Variants in DHX29 observed in about 807,000 individuals in gnomAD.
DHX29 encodes DExH-box helicase 29.
A neutral mutation model predicts 167.9 loss-of-function variants in DHX29; 79 were observed. The observed-to-expected ratio is 0.47, with a 90% CI of 0.39 to 0.57. The LOEUF is 0.57. Among genes scored for constraint, DHX29 ranks in the 20% least tolerant of loss-of-function variants. The pLI is 0.00. For synonymous variants in DHX29, 530 were observed against 546.0 expected, an observed-to-expected ratio of 0.97 and a Z score of 0.41; for missense variants, 1,347 against 1,593.4, an observed-to-expected ratio of 0.85 and a Z score of 2.63.
intron 4 of DHX29, among the ~76,000 whole-genome samples, chr5:55,295,907 A>G (rs535440245): frequency 6.6e-6 from 1 of 152,358 alleles, no homozygotes; most frequent in South Asian, 2.1e-4. Flanking sequence ...CCTCTGCTTA[A>G]TAAAATACTA....
At chr5:55,284,406 A>C (rs777026945) in intron 10 of DHX29, among the ~76,000 whole-genome samples, 1 of 152,216 alleles carries the variant, frequency 6.6e-6, no homozygotes. Flanking sequence ...TCTGTGCTAT[A>C]AAGAATCCAC....
chr5:55,287,183 G>A (rs1747777006), intron 8 of DHX29, among the ~76,000 whole-genome samples: 3 of 152,132 alleles, frequency 2.0e-5, no homozygotes, highest in Non-Finnish European at 4.4e-5. Context: ...GGGTCACACC[G>A]GTAATCCCAA....
intron 12 of DHX29, among the ~76,000 whole-genome samples, chr5:55,279,176 T>C (rs758490490): frequency 1.9e-4 from 29 of 152,270 alleles, no homozygotes; most frequent in Non-Finnish European, 2.1e-4. Context: ...GAAAAGTAAA[T>C]GTACTTGAGA....
intron 1 of DHX29, among the ~76,000 whole-genome samples, chr5:55,300,902 G>C (rs1479696617): frequency 6.6e-6 from 1 of 152,080 alleles, no homozygotes; most frequent in Non-Finnish European, 1.5e-5. Flanking sequence ...TCTGGAGGTT[G>C]GGAAGTCCAA....
At chr5:55,289,800 T>C (rs141940144) in intron 7 of DHX29, among the ~76,000 whole-genome samples, 22 of 152,348 alleles carry the variant, frequency 1.4e-4, no homozygotes, top group African/African-American at 5.1e-4. Flanking sequence ...ATAAAAATCA[T>C]AGGTTGGCAA....
Position 55,281,412 on chromosome 5 carries a change from T to C in DHX29, c.2069A>G (p.Asp690Gly), listed in dbSNP as rs774777391. 3.7e-6 allele frequency: 6 copies of C among 1,602,342 alleles called. No individual in the cohort carries two copies. Among genetic ancestry groups the C allele is most frequent in the Non-Finnish European group, 4.3e-6 (5 of 1,174,210 alleles). Residue 690 changes from aspartate (D) to glycine (G), a missense_variant, in exon 12 of 27, where the codon GAT becomes GGT. Coordinates refer to ENST00000251636, the MANE Select transcript of DHX29 (RefSeq NM_019030.4). ...TGVLLRKLQE[D>G]GLLSNVSHVI... ...ATGAGACACATTACTTAGAAGACCA[T>C]CTTCTTGAAGTTTCCTTAGCAAAAC...
intron 2 of DHX29, 46 bp from the exon 3 acceptor site, chr5:55,297,444 A>C (rs1748382756): frequency 1.2e-6 from 1 of 821,608 alleles, no homozygotes; most frequent in Non-Finnish European, 2.0e-6. Flanking sequence ...TAAATTATTA[A>C]AAAATTAAAA....
intron 23 of DHX29, among the ~76,000 whole-genome samples, chr5:55,263,929 C>A (rs1746431550): frequency 6.6e-6 from 1 of 150,716 alleles, no homozygotes; most frequent in South Asian, 2.1e-4. Flanking sequence ...GGAAAAAAAC[C>A]TTTTTACTTT....
intron 1 of DHX29, among the ~76,000 whole-genome samples, chr5:55,302,389 C>CA (rs1336388227): frequency 6.6e-6 from 1 of 152,104 alleles, no homozygotes; most frequent in Non-Finnish European, 1.5e-5. Context: ...ATGCTACTGA[C>CA]AAGAGTAAGA....
chr5:55,277,036 C>T, intron 13 of DHX29, 70 bp downstream of exon 13: 1 of 1,158,624 alleles, frequency 8.6e-7, no homozygotes, highest in South Asian at 1.5e-5. Flanking sequence ...CTACAAGTGC[C>T]CATCTTCTAG....
At chr5:55,294,210 A>T in intron 5 of DHX29, 65 bp from the exon 6 acceptor site, 2 of 1,441,686 alleles carry the variant, frequency 1.4e-6, no homozygotes, top group Non-Finnish European at 1.9e-6. Flanking sequence ...CTATCTTGTC[A>T]CTGCTTTTAC....
At chr5:55,272,748 A>G (rs1746914587) in intron 17 of DHX29, among the ~76,000 whole-genome samples, 1 of 152,146 alleles carries the variant, frequency 6.6e-6, no homozygotes, top group African/African-American at 2.4e-5. Flanking sequence ...CTCGGTCTCA[A>G]AACAAAAAAA....
intron 26 of DHX29, among the ~76,000 whole-genome samples, chr5:55,258,791 G>A (rs1306553788): frequency 2.0e-5 from 3 of 152,028 alleles, no homozygotes; most frequent in Non-Finnish European, 4.4e-5. Context: ...GGCCTCAAGC[G>A]ATCCTCCTGC....
At chr5:55,286,125 G>A (rs1331145646) in intron 8 of DHX29, among the ~76,000 whole-genome samples, 1 of 151,898 alleles carries the variant, frequency 6.6e-6, no homozygotes, top group East Asian at 1.9e-4. Context: ...GTGGTGGCGG[G>A]CGCCTGTAGT....
intron 10 of DHX29, 34 bp from the exon 11 acceptor site, chr5:55,283,845 AAC>A (rs1747576222): frequency 6.6e-7 from 1 of 1,517,998 alleles, no homozygotes; most frequent in Non-Finnish European, 8.8e-7. Flanking sequence ...TATTTTCACT[AAC>A]TATTCAATAT....
intron 25 of DHX29, 150 bp from the exon 26 acceptor site, chr5:55,260,094 C>T: frequency 2.0e-6 from 1 of 490,976 alleles, no homozygotes; most frequent in South Asian, 4.2e-5. Context: ...ATTATTTCTG[C>T]TAGCTAGGCA....
intron 8 of DHX29, among the ~76,000 whole-genome samples, chr5:55,287,467 A>C (rs1483120614): frequency 6.6e-6 from 1 of 152,080 alleles, no homozygotes; most frequent in Non-Finnish European, 1.5e-5. Flanking sequence ...AAAAACAATA[A>C]ATACTACTGA....
Position 55,283,824 on chromosome 5 carries a change from CAG to C in DHX29, c.1357-15_1357-14del. ...ACTGATGAACTGACTAAAGGAAAAA[CAG>C]AGGTATGTTATTTTCACTAACTATT... On this transcript the variant is annotated splice_polypyrimidine_tract_variant and intron_variant, in intron 10 of 26. Coordinates refer to ENST00000251636, the MANE Select transcript of DHX29 (RefSeq NM_019030.4). 1 of 1,556,994 alleles carries C rather than the reference CAG, an allele frequency of 6.4e-7. No individual in the cohort carries two copies. The highest frequency in any genetic ancestry group is 1.2e-5 in the South Asian group (1 of 81,180).
chr5:55,301,729 A>C (rs1014278904), intron 1 of DHX29, among the ~76,000 whole-genome samples: 2 of 151,262 alleles, frequency 1.3e-5, no homozygotes, highest in Non-Finnish European at 1.5e-5. Flanking sequence ...AAAAAAAAAA[A>C]AAAAAAACAA....
Sources: allele counts gnomAD v4.1 joint callset (sites outside exome capture counted in the v4.1 genomes callset), GRCh38; gene constraint gnomAD v4.1.1; transcripts MANE v1.5; gene names NCBI Gene and HGNC (gene_info 2026-07-23, HGNC 2026-07-21).